Variants in DCAF1 observed in about 807,000 individuals in gnomAD.
DCAF1 encodes the protein DDB1- and CUL4-associated factor 1.
Under a neutral mutation model 128.0 loss-of-function variants are expected in DCAF1, and 15 were observed. The observed-to-expected ratio is 0.12, with a 90% CI of 0.08 to 0.18. The LOEUF is 0.18. Among genes scored for constraint, DCAF1 ranks in the 10% least tolerant of loss-of-function variants. The pLI is 1.00. For missense variants in DCAF1, 988 were observed against 1,649.5 expected, an observed-to-expected ratio of 0.60 and a Z score of 6.95; for synonymous variants, 610 against 603.0, an observed-to-expected ratio of 1.01 and a Z score of -0.17.
In DCAF1 at chr3:51,494,170, A is replaced by G. The variant is rs554558951; in HGVS notation, c.-9+2564T>C. ...CTCTGTCGCCCAGAGACTGGAGTGC[A>G]GTGGCAGGATCTCGGCTCACTGCAA... is the stretch of plus-strand genomic sequence containing the variant. On this transcript the variant is annotated intron_variant, in intron 2 of 24. Coordinates refer to ENST00000684031, the MANE Select transcript of DCAF1 (RefSeq NM_001387579.1). Among the ~76,000 whole-genome samples the G allele has an allele frequency of 4.9e-5, 7 of 142,002 alleles. No homozygotes were observed. In the South Asian group the frequency reaches 1.6e-3, roughly 33 times the overall value. 93.2% of individuals were successfully genotyped at this position (142,002 alleles called of 152,430 possible). A position where few individuals can be genotyped will look rare whatever the true frequency, so the allele number is the denominator to read the frequency against.
chr3:51,413,345 T>G lies in DCAF1; in HGVS notation c.3973A>C (p.Arg1325=). The G allele has an allele frequency of 6.2e-7, 1 of 1,613,586 alleles. No homozygotes were observed. The change falls in exon 21 of 25, where the codon AGG becomes CGG. Residue 1325 remains arginine (R), a synonymous_variant. Transcript: ENST00000684031. The part of the protein sequence containing the change: ...ADDEDDLMEE[R]MKSPFGSSFR... ...GATGACCCAAAGGGGCTTTTCATCCTCTCTTCCATTAAGTCATCTTCATCA... is the reference window on the plus strand; with the variant it reads ...GATGACCCAAAGGGGCTTTTCATCCGCTCTTCCATTAAGTCATCTTCATCA...
intron 2 of DCAF1, among the ~76,000 whole-genome samples, chr3:51,496,395 C>A (rs552291085): frequency 4.6e-5 from 7 of 152,258 alleles, no homozygotes; most frequent in African/African-American, 1.7e-4. Flanking sequence ...CCACTGCACT[C>A]CAGCTTGCAC....
chr3:51,396,760 C>G (rs1223388922), downstream of DCAF1: 1 of 167,168 alleles, frequency 6.0e-6, no homozygotes, highest in African/African-American at 2.4e-5. Flanking sequence ...CCTGTCTCCC[C>G]CACAGAGACC....
upstream of DCAF1, among the ~76,000 whole-genome samples, chr3:51,502,276 A>G (rs562682227): frequency 1.3e-5 from 2 of 152,160 alleles, no homozygotes; most frequent in East Asian, 1.9e-4. Context: ...ACTGTGGCTC[A>G]TGCCTGTAAT....
At chr3:51,397,438 C>T (rs1486459709), downstream of DCAF1, 1 of 167,078 alleles carries the variant, frequency 6.0e-6, no homozygotes. Context: ...CATTAGTGGC[C>T]GCTGCCCCAG....
intron 3 of DCAF1, among the ~76,000 whole-genome samples, chr3:51,474,282 T>C (rs1705157905): frequency 6.6e-6 from 1 of 151,992 alleles, no homozygotes; most frequent in South Asian, 2.1e-4. Context: ...TAGCCGGGCA[T>C]GGTGGTGCAT....
intron 9 of DCAF1, among the ~76,000 whole-genome samples, chr3:51,433,611 G>A (rs1462618668): frequency 1.3e-5 from 2 of 151,272 alleles, no homozygotes; most frequent in South Asian, 2.1e-4. Context: ...ACAGATACCC[G>A]CCACCACGTC....
Position 51,421,007 on chromosome 3 carries a change from A to G in DCAF1, c.1973-10T>C. The stretch of plus-strand genomic sequence containing the variant: ...AAAATAATGCTGATACCTAATGGGA[A>G]AAAAAATTATGTATTATTCACCATA... On this transcript the variant is annotated splice_polypyrimidine_tract_variant and intron_variant, in intron 14 of 24. Transcript: ENST00000684031. The G allele has an allele frequency of 1.3e-6, 2 of 1,597,202 alleles. No individual in the cohort carries two copies. Among genetic ancestry groups the G allele is most frequent in the South Asian group, 2.2e-5 (2 of 88,962 alleles).
In DCAF1 at chr3:51,480,724, G is replaced by C. The variant is rs554344941; in HGVS notation, c.110+2995C>G. On this transcript the variant is annotated intron_variant, in intron 3 of 24. Coordinates refer to ENST00000684031, the MANE Select transcript of DCAF1 (RefSeq NM_001387579.1). Reference sequence around the variant, plus strand: ...CTTATGATGTGATGCCATTTACAGTGGGCTGGGATTACAGGTGTGAGGCAC... The same window carrying C: ...CTTATGATGTGATGCCATTTACAGTCGGCTGGGATTACAGGTGTGAGGCAC... 1.2e-4 allele frequency among the ~76,000 whole-genome samples: 19 copies of C among 152,022 alleles called. No individual in the cohort carries two copies. The South Asian group carries it at 3.7e-3, about 30-fold the overall frequency.
intron 13 of DCAF1, among the ~76,000 whole-genome samples, chr3:51,424,324 C>A (rs1198880883): frequency 6.6e-6 from 1 of 151,384 alleles, no homozygotes; most frequent in Non-Finnish European, 1.5e-5. Context: ...CGCTTGAACC[C>A]AGGAGGCGGA....
At chr3:51,498,857 A>T (rs966314183) in intron 1 of DCAF1, among the ~76,000 whole-genome samples, 1 of 152,238 alleles carries the variant, frequency 6.6e-6, no homozygotes, top group Non-Finnish European at 1.5e-5. Flanking sequence ...AAACTCCAGT[A>T]AGCTGGAAAA....
chr3:51,492,589 C>G (rs1297891560), intron 2 of DCAF1, among the ~76,000 whole-genome samples: 1 of 152,144 alleles, frequency 6.6e-6, no homozygotes, highest in Non-Finnish European at 1.5e-5. Flanking sequence ...AAATCAAAAC[C>G]ATAATGAGAT....
intron 23 of DCAF1, among the ~76,000 whole-genome samples, chr3:51,406,363 A>AC (rs1321643042): frequency 2.0e-5 from 3 of 151,244 alleles, no homozygotes; most frequent in East Asian, 3.9e-4. Context: ...AAAAAAAAAA[A>AC]AACCAAATTT....
At position 51,403,050 on chromosome 3, in the gene DCAF1, G is replaced by A. The variant is rs573684825; in HGVS notation, c.4465+93C>T. Reference sequence around the variant, plus strand: ...GAATCAAATTATGGGGCACAGAACCGTGGTATGGCTTGCCCTCTAAGTTGT... The same window carrying A: ...GAATCAAATTATGGGGCACAGAACCATGGTATGGCTTGCCCTCTAAGTTGT... On this transcript the variant is annotated intron_variant, in intron 24 of 24. Transcript: ENST00000684031. 112 of 1,504,902 alleles carry A rather than the reference G, an allele frequency of 7.4e-5. 1 individual carries two copies. In the South Asian group the frequency reaches 1.2e-3, roughly 16 times the overall value. The allele number at this position is 1,504,902 out of a possible 1,614,324, so 93.2% of individuals were successfully genotyped here. A position where few individuals can be genotyped will look rare whatever the true frequency, so the allele number is the denominator to read the frequency against.
At chr3:51,469,383 A>G (rs1238928456) in intron 4 of DCAF1, among the ~76,000 whole-genome samples, 2 of 151,924 alleles carry the variant, frequency 1.3e-5, no homozygotes, top group Non-Finnish European at 2.9e-5. Flanking sequence ...GGCATGCGCC[A>G]TCATGTCTGG....
At chr3:51,400,156 G>A (rs1427053502) in intron 24 of DCAF1, among the ~76,000 whole-genome samples, 1 of 152,258 alleles carries the variant, frequency 6.6e-6, no homozygotes, top group Non-Finnish European at 1.5e-5. Flanking sequence ...TATTGGTGAT[G>A]TATTGGTGAA....
chr3:51,472,286 A>G (rs1553648669), intron 3 of DCAF1, among the ~76,000 whole-genome samples: 1 of 152,040 alleles, frequency 6.6e-6, no homozygotes, highest in Non-Finnish European at 1.5e-5. Context: ...AGCTGGTAAC[A>G]TTTTTCCCAC....
At chr3:51,490,444 AAGGCACAAACACAAG>A (rs1481569133) in intron 2 of DCAF1, among the ~76,000 whole-genome samples, 2 of 152,286 alleles carry the variant, frequency 1.3e-5, no homozygotes, top group Admixed American at 1.3e-4. Context: ...AACAACAAAA[AAGGCACAAACACAAG>A]ACTTGTATGC....
intron 18 of DCAF1, 118 bp from the exon 19 acceptor site, chr3:51,414,975 A>C: frequency 7.1e-7 from 1 of 1,410,916 alleles, no homozygotes; most frequent in Non-Finnish European, 9.5e-7. Context: ...ACATGGATCA[A>C]TGATTACCAC....
Sources: gnomAD v4.1 joint callset for allele counts (sites outside exome capture counted in the v4.1 genomes callset) on GRCh38, gnomAD v4.1.1 for gene constraint, MANE v1.5 for transcripts, NCBI Gene and HGNC (gene_info 2026-07-23, HGNC 2026-07-21) for gene names.